The following LINGO1 variants were observed in gnomAD, a reference collection of about 807,000 sequenced individuals.
LINGO1 encodes the protein leucine-rich repeat and immunoglobulin-like domain-containing nogo receptor-interacting protein 1.
Under a neutral mutation model 37.3 loss-of-function variants are expected in LINGO1, and 11 were observed. The observed-to-expected ratio is 0.29, with a 90% CI of 0.19 to 0.49. The LOEUF (loss-of-function observed/expected upper bound fraction) is 0.49. Ranked by LOEUF, LINGO1 falls within the 20% of genes least tolerant of loss-of-function variation. The pLI is 0.99. For missense variants in LINGO1, 585 were observed against 878.2 expected, an observed-to-expected ratio of 0.67 and a Z score of 4.22; for synonymous variants, 387 against 403.0, an observed-to-expected ratio of 0.96 and a Z score of 0.48.
At chr15:77,641,502 T>A (rs1046960956) in intron 3 of LINGO1, among the ~76,000 whole-genome samples, 1 of 152,118 alleles carries the variant, frequency 6.6e-6, no homozygotes, top group African/African-American at 2.4e-5. Context: ...TATAAATTAT[T>A]GAAGTTATAA....
At chr15:77,630,733 A>G (rs1198893679) in intron 1 of LINGO1, among the ~76,000 whole-genome samples, 2 of 152,026 alleles carry the variant, frequency 1.3e-5, no homozygotes, top group African/African-American at 4.8e-5. Context: ...GGGGGTGAGG[A>G]GGGGGGCAGA....
intron 1 of LINGO1, among the ~76,000 whole-genome samples, chr15:77,770,659 C>T (rs2076576355): frequency 6.6e-6 from 1 of 151,456 alleles, no homozygotes; most frequent in Admixed American, 6.6e-5. Context: ...ACCTAGGCCT[C>T]ACTCCACGAA....
At chr15:77,758,371 C>A (rs2076441439) in intron 1 of LINGO1, among the ~76,000 whole-genome samples, 2 of 152,308 alleles carry the variant, frequency 1.3e-5, no homozygotes, top group South Asian at 4.1e-4. Context: ...CATCTGCAGG[C>A]CTCCGTTTCC....
chr15:77,723,892 G>A (rs1484222894), intron 2 of LINGO1, among the ~76,000 whole-genome samples: 1 of 152,146 alleles, frequency 6.6e-6, no homozygotes, highest in East Asian at 1.9e-4. Flanking sequence ...GCGGGGGCGG[G>A]AGGCGAGAGA....
At chr15:77,805,481 A>G (rs2141470064) in intron 1 of LINGO1, among the ~76,000 whole-genome samples, 1 of 152,306 alleles carries the variant, frequency 6.6e-6, no homozygotes. Context: ...TGCCCAGCCT[A>G]TGCCTAGCTG....
At chr15:77,716,576 C>A (rs972034858) in intron 2 of LINGO1, among the ~76,000 whole-genome samples, 12 of 150,222 alleles carry the variant, frequency 8.0e-5, no homozygotes, top group Non-Finnish European at 1.5e-4. Flanking sequence ...CACGTCTATG[C>A]AGCATTAGTA....
intron 1 of LINGO1, among the ~76,000 whole-genome samples, chr15:77,771,137 C>A (rs762595659): frequency 6.6e-6 from 1 of 152,160 alleles, no homozygotes; most frequent in Non-Finnish European, 1.5e-5. Flanking sequence ...GAGTTGAACC[C>A]GCAGCTCTTA....
chr15:77,627,862 G>A (rs1412444201), intron 1 of LINGO1, among the ~76,000 whole-genome samples: 1 of 152,154 alleles, frequency 6.6e-6, no homozygotes, highest in East Asian at 1.9e-4. Context: ...GGATGGTAAA[G>A]ACAGCATCCC....
rs1389261782 is a variant in LINGO1 at position 77,614,247 on chromosome 15, T to C, written c.1660A>G (p.Ile554Val). 3 of 1,613,868 alleles carry C rather than the reference T, an allele frequency of 1.9e-6. No individual in the cohort carries two copies. The highest frequency in any genetic ancestry group is 2.7e-5 in the African/African-American group (2 of 74,924). ...TRATVPFPFD[I>V]KTLIIATTMG... Reference sequence around the variant, plus strand: ...GTGGTGGCGATGATGAGGGTCTTGATGTCGAAGGGGAAAGGCACAGTGGCG... The same window carrying C: ...GTGGTGGCGATGATGAGGGTCTTGACGTCGAAGGGGAAAGGCACAGTGGCG... Residue 554 changes from isoleucine (I) to valine (V), a missense_variant, in exon 2 of 2, where the codon ATC (isoleucine) becomes GTC (valine). Physicochemically the swap from Ile to Val is conservative, Grantham distance 29. Coordinates refer to ENST00000355300, the MANE Select transcript of LINGO1 (RefSeq NM_032808.7).
intron 1 of LINGO1, among the ~76,000 whole-genome samples, chr15:77,691,737 A>AT (rs2075607071): frequency 6.6e-6 from 1 of 151,530 alleles, no homozygotes; most frequent in Non-Finnish European, 1.5e-5. Flanking sequence ...TGACGGAGCA[A>AT]TTCACGGCAC....
At chr15:77,641,860 G>C in intron 3 of LINGO1, 2 of 456,592 alleles carry the variant, frequency 4.4e-6, no homozygotes, top group South Asian at 3.1e-5. Flanking sequence ...AGCCTGATAG[G>C]CTGAGGCCAG....
chr15:77,796,304 G>A (rs764545831), intron 1 of LINGO1, among the ~76,000 whole-genome samples: 15 of 151,900 alleles, frequency 9.9e-5, no homozygotes, highest in East Asian at 5.8e-4. Context: ...ATGTGCGTGC[G>A]GGCGTGCACA....
At chr15:77,724,867 G>A (rs58838783) in intron 2 of LINGO1, among the ~76,000 whole-genome samples, 2,265 of 152,244 alleles carry the variant, frequency 0.015, 69 homozygotes, top group African/African-American at 0.053. Context: ...TCAAGAAAAA[G>A]CCCACAGCCA....
intron 2 of LINGO1, among the ~76,000 whole-genome samples, chr15:77,794,779 A>T (rs1294617546): frequency 6.6e-6 from 1 of 151,334 alleles, no homozygotes; most frequent in African/African-American, 2.4e-5. Flanking sequence ...TTTAGTAGAG[A>T]CGGGGTTTTA....
At chr15:77,692,335 A>G (rs551778719) in intron 1 of LINGO1, among the ~76,000 whole-genome samples, 1 of 152,314 alleles carries the variant, frequency 6.6e-6, no homozygotes, top group South Asian at 2.1e-4. Flanking sequence ...ATATTCTGCA[A>G]GGTCTAGTAC....
At chr15:77,726,886 A>G (rs554871326) in intron 2 of LINGO1, among the ~76,000 whole-genome samples, 18 of 152,376 alleles carry the variant, frequency 1.2e-4, no homozygotes, top group South Asian at 4.1e-4. Context: ...AAGAACTTCT[A>G]CAACTCAACA....
intron 3 of LINGO1, among the ~76,000 whole-genome samples, chr15:77,675,316 G>C (rs1257483092): frequency 1.3e-5 from 2 of 152,202 alleles, no homozygotes; most frequent in East Asian, 3.8e-4. Flanking sequence ...AGCACACACA[G>C]ATGTGCAAAC....
At chr15:77,817,300 C>T (rs1323102278) in intron 1 of LINGO1, among the ~76,000 whole-genome samples, 1 of 152,214 alleles carries the variant, frequency 6.6e-6, no homozygotes, top group Non-Finnish European at 1.5e-5. Flanking sequence ...CCACAATAGC[C>T]ACCAGAGTCC....
At chr15:77,744,665 T>C (rs2076295834) in intron 1 of LINGO1, among the ~76,000 whole-genome samples, 1 of 152,266 alleles carries the variant, frequency 6.6e-6, no homozygotes, top group African/African-American at 2.4e-5. Flanking sequence ...AGCTAGGTTC[T>C]ATCAGTATTC....
Sources: gnomAD v4.1 joint callset for allele counts (sites outside exome capture counted in the v4.1 genomes callset) on GRCh38, gnomAD v4.1.1 for gene constraint, MANE v1.5 for transcripts, NCBI Gene and HGNC (gene_info 2026-07-23, HGNC 2026-07-21) for gene names.